Variants in UBE2E2 observed in about 807,000 individuals in gnomAD.
UBE2E2 encodes ubiquitin conjugating enzyme E2 E2.
Under a neutral mutation model 24.7 loss-of-function variants are expected in UBE2E2, and 6 were observed. The observed-to-expected ratio is 0.24, with a 90% CI of 0.13 to 0.48. The LOEUF (loss-of-function observed/expected upper bound fraction) is 0.48, where lower values mean the gene tolerates loss of function less well. Among genes scored for constraint, UBE2E2 ranks in the 20% least tolerant of loss-of-function variants. The probability of loss-of-function intolerance (pLI) is 0.99; values close to 1 mark genes in which losing one functional copy is unlikely to be tolerated. For missense variants in UBE2E2, 169 were observed against 245.0 expected (o/e 0.69, Z 2.07); for synonymous variants, 104 against 83.6 (o/e 1.24, Z -1.33).
chr3:23,220,041 G>A (rs1440329481), intron 3 of UBE2E2, among the ~76,000 whole-genome samples: 1 of 152,098 alleles, frequency 6.6e-6, no homozygotes, highest in African/African-American at 2.4e-5. Context: ...TGAAGGAACT[G>A]TATGTGTTTA....
intron 3 of UBE2E2, among the ~76,000 whole-genome samples, chr3:23,350,813 C>G (rs1005257801): frequency 3.3e-5 from 5 of 152,200 alleles, no homozygotes; most frequent in Admixed American, 1.3e-4. Flanking sequence ...AAACACTCTA[C>G]AGGATATTGT....
chr3:23,272,518 G>A (rs958709294), intron 3 of UBE2E2, among the ~76,000 whole-genome samples: 3 of 152,350 alleles, frequency 2.0e-5, no homozygotes, highest in South Asian at 2.1e-4. Context: ...CCGAGGAGGC[G>A]CTGAGAGCGA....
intron 5 of UBE2E2, among the ~76,000 whole-genome samples, chr3:23,565,231 G>C (rs547914700): frequency 6.6e-6 from 1 of 152,012 alleles, no homozygotes; most frequent in Non-Finnish European, 1.5e-5. Context: ...TGTGAGTCAA[G>C]GTATATGAAC....
chr3:23,270,696 G>A (rs7635882), intron 3 of UBE2E2, among the ~76,000 whole-genome samples: 111,825 of 152,104 alleles, frequency 0.74, 41,487 homozygotes, highest in African/African-American at 0.83. Context: ...GACTGAATGG[G>A]TTATTACTGG....
intron 5 of UBE2E2, among the ~76,000 whole-genome samples, chr3:23,567,663 ATATC>A (rs1400755670): frequency 2.6e-5 from 4 of 152,190 alleles, no homozygotes; most frequent in Non-Finnish European, 5.9e-5. Context: ...ATGGGTATAA[ATATC>A]AGTTAGGCCC....
At chr3:23,374,089 TAA>T (rs1166205256) in intron 3 of UBE2E2, among the ~76,000 whole-genome samples, 2 of 152,180 alleles carry the variant, frequency 1.3e-5, no homozygotes, top group Non-Finnish European at 2.9e-5. Flanking sequence ...TTTAAAATAT[TAA>T]GTCAAAATAT....
intron 3 of UBE2E2, among the ~76,000 whole-genome samples, chr3:23,242,903 TG>T (rs1405682057): frequency 1.3e-5 from 2 of 151,872 alleles, no homozygotes; most frequent in African/African-American, 4.8e-5. Flanking sequence ...CTGGCCAACA[TG>T]GTGAAACCCT....
chr3:23,278,852 C>T (rs1158915207), intron 3 of UBE2E2, among the ~76,000 whole-genome samples: 3 of 152,090 alleles, frequency 2.0e-5, no homozygotes, highest in African/African-American at 7.2e-5. Context: ...TTCCAAACCT[C>T]GGCAGTAAAA....
chr3:23,217,142 T>G (rs1409566654), intron 2 of UBE2E2, 120 bp from the exon 3 acceptor site: 27 of 925,416 alleles, frequency 2.9e-5, no homozygotes. Flanking sequence ...CTTTATACAG[T>G]ATTAGTATTT....
At chr3:23,542,426 G>A (rs2125493025) in intron 5 of UBE2E2, among the ~76,000 whole-genome samples, 1 of 152,250 alleles carries the variant, frequency 6.6e-6, no homozygotes, top group African/African-American at 2.4e-5. Flanking sequence ...GTTTTTGTTT[G>A]CTTCTTTGAT....
chr3:23,533,543 A>G (rs1419137185), intron 5 of UBE2E2, among the ~76,000 whole-genome samples: 1 of 152,130 alleles, frequency 6.6e-6, no homozygotes, highest in Admixed American at 6.5e-5. Flanking sequence ...ATAAAACATC[A>G]AGAAATAACA....
intron 3 of UBE2E2, among the ~76,000 whole-genome samples, chr3:23,417,667 C>T (rs1697674514): frequency 6.6e-6 from 1 of 152,210 alleles, no homozygotes; most frequent in Non-Finnish European, 1.5e-5. Context: ...CCTCCCCTTC[C>T]TCCTAGTGCT....
At chr3:23,231,623 C>T (rs116439035) in intron 3 of UBE2E2, among the ~76,000 whole-genome samples, 4,355 of 152,250 alleles carry the variant, frequency 0.029, 107 homozygotes, top group East Asian at 0.13. Flanking sequence ...GAGGTAGACT[C>T]AGAAACTACA....
chr3:23,230,701 A>C (rs969753708), intron 3 of UBE2E2, among the ~76,000 whole-genome samples: 2 of 151,718 alleles, frequency 1.3e-5, no homozygotes, highest in Non-Finnish European at 2.9e-5. Flanking sequence ...CAGGAGAATC[A>C]CTTGAACCTG....
At chr3:23,353,896 C>T (rs1695846074) in intron 3 of UBE2E2, among the ~76,000 whole-genome samples, 1 of 152,014 alleles carries the variant, frequency 6.6e-6, no homozygotes, top group African/African-American at 2.4e-5. Context: ...CTTTAAAGTT[C>T]ATATGGAACC....
At chr3:23,308,524 A>T (rs1046913206) in intron 3 of UBE2E2, among the ~76,000 whole-genome samples, 1 of 152,226 alleles carries the variant, frequency 6.6e-6, no homozygotes, top group Non-Finnish European at 1.5e-5. Flanking sequence ...GACAATCATT[A>T]TAAAATTGTT....
intron 3 of UBE2E2, among the ~76,000 whole-genome samples, chr3:23,392,966 T>C (rs1242700350): frequency 2.6e-5 from 4 of 152,114 alleles, no homozygotes; most frequent in Non-Finnish European, 4.4e-5. Context: ...CCACAAGTGC[T>C]AAGTGAGGAT....
intron 4 of UBE2E2, among the ~76,000 whole-genome samples, chr3:23,519,738 A>G (rs549151605): frequency 1.3e-5 from 2 of 152,262 alleles, no homozygotes; most frequent in East Asian, 1.9e-4. Context: ...GTGCAGTGGC[A>G]CAGTCATGGT....
chr3:23,352,708 C>A (rs1296683322), intron 3 of UBE2E2, among the ~76,000 whole-genome samples: 1 of 152,116 alleles, frequency 6.6e-6, no homozygotes. Context: ...TCTGAATAGA[C>A]CAATAACAGG....
Sources: gnomAD v4.1 joint callset for allele counts (sites outside exome capture counted in the v4.1 genomes callset) on GRCh38, gnomAD v4.1.1 for gene constraint, MANE v1.5 for transcripts, NCBI Gene and HGNC (gene_info 2026-07-23, HGNC 2026-07-21) for gene names.